The following GABRG3 variants were observed in gnomAD, a reference collection of about 807,000 sequenced individuals.
GABRG3 encodes the protein gamma-aminobutyric acid type A receptor subunit gamma3.
GABRG3 carries 25 observed loss-of-function variants against 48.8 expected under a neutral mutation model. That is an observed-to-expected ratio of 0.51 (90% confidence interval 0.37 to 0.72). The LOEUF is 0.72. Among genes scored for constraint, GABRG3 ranks in the 30% least tolerant of loss-of-function variants. The probability of loss-of-function intolerance (pLI) is 0.00; values close to 1 mark genes in which losing one functional copy is unlikely to be tolerated. For synonymous variants in GABRG3, 227 were observed against 217.6 expected (o/e 1.04, Z -0.38); for missense variants, 394 against 577.9 (o/e 0.68, Z 3.26).
At chr15:26,984,713 G>C (rs1303009413) in intron 2 of GABRG3, among the ~76,000 whole-genome samples, 1 of 152,070 alleles carries the variant, frequency 6.6e-6, no homozygotes, top group Non-Finnish European at 1.5e-5. Flanking sequence ...GAAGAGAAAT[G>C]GCCTAAGTAA....
At chr15:27,347,644 C>T (rs753320598) in intron 5 of GABRG3, among the ~76,000 whole-genome samples, 35 of 152,170 alleles carry the variant, frequency 2.3e-4, no homozygotes, top group Admixed American at 7.8e-4. Flanking sequence ...TGGGATCTTT[C>T]TTGCATTTTC....
At chr15:27,077,029 G>A (rs1896921782) in intron 3 of GABRG3, among the ~76,000 whole-genome samples, 1 of 152,210 alleles carries the variant, frequency 6.6e-6, no homozygotes, top group Non-Finnish European at 1.5e-5. Flanking sequence ...GCCCTCTGAT[G>A]ATCCCCAATA....
At chr15:27,483,390 C>G (rs1298126308) in intron 6 of GABRG3, 4 of 152,216 alleles carry the variant, frequency 2.6e-5, no homozygotes, top group African/African-American at 9.7e-5. Flanking sequence ...TATAGAAACA[C>G]CAGTCATATT....
intron 5 of GABRG3, among the ~76,000 whole-genome samples, chr15:27,382,833 G>T (rs951750065): frequency 1.3e-5 from 2 of 152,164 alleles, no homozygotes; most frequent in Admixed American, 6.5e-5. Context: ...ACCGTGGGAG[G>T]AGTTGGTTTC....
chr15:27,092,538 T>C (rs1897205674), intron 3 of GABRG3, among the ~76,000 whole-genome samples: 1 of 152,200 alleles, frequency 6.6e-6, no homozygotes, highest in Non-Finnish European at 1.5e-5. Context: ...TTCCTGTGTC[T>C]GCAGCAACAA....
intron 5 of GABRG3, among the ~76,000 whole-genome samples, chr15:27,381,516 T>C (rs1307143913): frequency 7.9e-5 from 12 of 152,338 alleles, no homozygotes; most frequent in Non-Finnish European, 1.3e-4. Context: ...CAGTTTAGGT[T>C]TTCTCACCCC....
Position 27,209,328 on chromosome 15 carries a change from C to CTCTT in GABRG3, c.271-117462_271-117459dup, listed in dbSNP as rs200595889. ...CAGTGTTCTTAAGCACTGGGAAATG[C>CTCTT]TCTTTCTTTCTTTCTTTCTTTCCTT... On this transcript the variant is annotated intron_variant, in intron 3 of 9. Coordinates refer to ENST00000615808, the MANE Select transcript of GABRG3 (RefSeq NM_033223.5). 4.5e-3 allele frequency among the ~76,000 whole-genome samples: 668 copies of CTCTT among 148,380 alleles called. 2 individuals are homozygous for CTCTT. The highest frequency in any genetic ancestry group is 0.014 in the African/African-American group (533 of 39,300).
chr15:27,459,647 A>G (rs1329969813), intron 5 of GABRG3, among the ~76,000 whole-genome samples: 1 of 152,214 alleles, frequency 6.6e-6, no homozygotes, highest in African/African-American at 2.4e-5. Flanking sequence ...AAAAAGAAAA[A>G]GGAAACTATA....
intron 5 of GABRG3, among the ~76,000 whole-genome samples, chr15:27,381,983 C>G (rs986176285): frequency 2.0e-5 from 3 of 152,154 alleles, no homozygotes; most frequent in African/African-American, 7.2e-5. Context: ...GCATGAGGAA[C>G]TTGTTATCTT....
At position 27,383,712 on chromosome 15, in the gene GABRG3, A is replaced by G. The variant is rs541021224; in HGVS notation, c.574+54824A>G. ...AATGACTTTTGCCTTGTAAAAGCTCACTGAGTGTGAAGCATAATACAAATG... is the reference window on the plus strand; with the variant it reads ...AATGACTTTTGCCTTGTAAAAGCTCGCTGAGTGTGAAGCATAATACAAATG... On this transcript the variant is annotated intron_variant, in intron 5 of 9. Coordinates refer to ENST00000615808, the MANE Select transcript of GABRG3 (RefSeq NM_033223.5). 5.3e-5 allele frequency among the ~76,000 whole-genome samples: 8 copies of G among 152,334 alleles called. No individual in the cohort carries two copies. In the East Asian group the frequency reaches 1.5e-3, roughly 29 times the overall value.
At chr15:27,067,256 C>G (rs1408361086) in intron 3 of GABRG3, among the ~76,000 whole-genome samples, 6 of 152,180 alleles carry the variant, frequency 3.9e-5, no homozygotes, top group Non-Finnish European at 8.8e-5. Flanking sequence ...GGCAGGGCTT[C>G]AGCTCTCTGC....
At chr15:26,989,695 T>A (rs2140645808) in intron 2 of GABRG3, among the ~76,000 whole-genome samples, 1 of 152,292 alleles carries the variant, frequency 6.6e-6, no homozygotes. Flanking sequence ...ATAGTTCCCC[T>A]CTTGTGCTAT....
chr15:27,046,156 C>T (rs780563219), intron 3 of GABRG3, among the ~76,000 whole-genome samples: 19 of 152,162 alleles, frequency 1.2e-4, no homozygotes, highest in Non-Finnish European at 1.9e-4. Flanking sequence ...TGCAATGGCA[C>T]GATCTCAGCT....
At chr15:27,395,183 A>G (rs1887263423) in intron 5 of GABRG3, among the ~76,000 whole-genome samples, 1 of 152,108 alleles carries the variant, frequency 6.6e-6, no homozygotes, top group South Asian at 2.1e-4. Flanking sequence ...GGTAATCTCA[A>G]TTGACCTATC....
chr15:27,328,504 A>T (rs781642134), intron 4 of GABRG3, among the ~76,000 whole-genome samples: 1 of 152,270 alleles, frequency 6.6e-6, no homozygotes, highest in Non-Finnish European at 1.5e-5. Context: ...ATTGAAAACA[A>T]CTTATAAAAC....
rs1566818093 is a variant in GABRG3 at position 27,388,234 on chromosome 15, GA to G, written c.574+59347del. On this transcript the variant is annotated intron_variant, in intron 5 of 9. Transcript: ENST00000615808. ...GAAAGGAGGAAGGAAGGAAAGGGAG[GA>G]GGGAGGGAGGAAAGGAAGGAAGGAA... Among the ~76,000 whole-genome samples, 2 of 62,700 alleles carry G rather than the reference GA, an allele frequency of 3.2e-5. 1 individual carries two copies. The highest frequency in any genetic ancestry group is 1.5e-4 in the African/African-American group (2 of 13,274). 41.1% of individuals were successfully genotyped at this position (62,700 alleles called of 152,430 possible). A position where few individuals can be genotyped will look rare whatever the true frequency, so the allele number is the denominator to read the frequency against.
chr15:27,428,276 A>G (rs1888350834), intron 5 of GABRG3: 1 of 152,194 alleles, frequency 6.6e-6, no homozygotes, highest in Non-Finnish European at 1.5e-5. Flanking sequence ...AACTGTTACC[A>G]GGGAATGTGA....
At chr15:27,289,555 AC>A (rs1465345846) in intron 3 of GABRG3, among the ~76,000 whole-genome samples, 1 of 152,150 alleles carries the variant, frequency 6.6e-6, no homozygotes, top group Non-Finnish European at 1.5e-5. Flanking sequence ...CATCTGTAAG[AC>A]TCAAGACAAA....
chr15:27,217,105 A>T (rs2140438428), intron 3 of GABRG3, among the ~76,000 whole-genome samples: 1 of 151,286 alleles, frequency 6.6e-6, no homozygotes, highest in South Asian at 2.1e-4. Flanking sequence ...AAGGACATGA[A>T]CTCATCATTT....
Sources: allele counts gnomAD v4.1 joint callset (sites outside exome capture counted in the v4.1 genomes callset), GRCh38; gene constraint gnomAD v4.1.1; transcripts MANE v1.5; gene names NCBI Gene and HGNC (gene_info 2026-07-23, HGNC 2026-07-21).